The following SMYD3 variants were observed in gnomAD, a reference collection of about 807,000 sequenced individuals.
The protein encoded by SMYD3 is SET and MYND domain containing 3.
In SMYD3, 36 loss-of-function variants were observed where a neutral mutation model predicts 57.7. The ratio of observed to expected loss-of-function variants is 0.62; its 90% CI spans 0.48 to 0.82. The LOEUF is 0.82. Ranked by LOEUF, SMYD3 falls within the 40% of genes least tolerant of loss-of-function variation. The pLI, the probability that SMYD3 is intolerant of heterozygous loss-of-function variation, is 0.00. For missense variants in SMYD3, 515 were observed against 538.8 expected (o/e 0.96, Z 0.44); for synonymous variants, 211 against 195.0 (o/e 1.08, Z -0.68).
intron 2 of SMYD3, among the ~76,000 whole-genome samples, chr1:246,340,055 C>T (rs2065607427): frequency 6.6e-6 from 1 of 152,054 alleles, no homozygotes; most frequent in African/African-American, 2.4e-5. Context: ...AGTTGAAAAA[C>T]CACTGAGTTA....
At chr1:246,082,440 C>T (rs979715726) in intron 5 of SMYD3, among the ~76,000 whole-genome samples, 2 of 152,104 alleles carry the variant, frequency 1.3e-5, no homozygotes, top group South Asian at 2.1e-4. Context: ...GGTCCCATGG[C>T]CCCCGCCCAG....
At chr1:246,154,156 T>G (rs1468877918) in intron 5 of SMYD3, among the ~76,000 whole-genome samples, 2 of 152,228 alleles carry the variant, frequency 1.3e-5, no homozygotes, top group Non-Finnish European at 2.9e-5. Flanking sequence ...GCACGCAGCC[T>G]ACATTCACTG....
Position 246,255,999 on chromosome 1 carries a change from T to C in SMYD3, c.531+71202A>G, listed in dbSNP as rs548948190. ...ATAGATAGATAGATACACACACACA[T>C]ACATACATACATAGATACATAGATA... On this transcript the variant is annotated intron_variant, in intron 5 of 11. Coordinates refer to ENST00000490107, the MANE Select transcript of SMYD3 (RefSeq NM_001167740.2). Among the ~76,000 whole-genome samples, 195 of 150,388 alleles carry C rather than the reference T, an allele frequency of 1.3e-3. 1 individual carries two copies. Among genetic ancestry groups the C allele is most frequent in the South Asian group, 8.7e-3 (41 of 4,724 alleles).
At chr1:246,128,337 A>G (rs1467481423) in intron 5 of SMYD3, among the ~76,000 whole-genome samples, 1 of 152,182 alleles carries the variant, frequency 6.6e-6, no homozygotes, top group East Asian at 1.9e-4. Flanking sequence ...TCCTACCTCT[A>G]GAATATATTT....
chr1:245,958,847 G>C (rs1307085352), intron 5 of SMYD3, among the ~76,000 whole-genome samples: 1 of 152,164 alleles, frequency 6.6e-6, no homozygotes, highest in Non-Finnish European at 1.5e-5. Context: ...GCTATCTCAT[G>C]AACCAGTATT....
chr1:245,927,085 C>T (rs2056424299), intron 7 of SMYD3, among the ~76,000 whole-genome samples: 2 of 152,190 alleles, frequency 1.3e-5, no homozygotes, highest in Non-Finnish European at 2.9e-5. Context: ...TGCATAAATG[C>T]AATAAAAGCT....
intron 5 of SMYD3, among the ~76,000 whole-genome samples, chr1:246,232,167 T>G (rs368553415): frequency 7.1e-6 from 1 of 140,740 alleles, no homozygotes; most frequent in East Asian, 2.6e-4. Flanking sequence ...TTTTGTGACA[T>G]GAAGCTTACT....
chr1:246,217,582 G>A (rs185397673), intron 5 of SMYD3, among the ~76,000 whole-genome samples: 1 of 152,162 alleles, frequency 6.6e-6, no homozygotes. Context: ...CTCAGCAGAA[G>A]TATTATATTG....
intron 5 of SMYD3, among the ~76,000 whole-genome samples, chr1:246,246,680 T>C (rs1020893531): frequency 6.6e-6 from 1 of 152,110 alleles, no homozygotes; most frequent in Non-Finnish European, 1.5e-5. Flanking sequence ...TATGACTTTA[T>C]TTAATTTCTA....
chr1:246,255,556 T>C (rs529201862), intron 5 of SMYD3, among the ~76,000 whole-genome samples: 3 of 152,184 alleles, frequency 2.0e-5, no homozygotes, highest in Non-Finnish European at 4.4e-5. Context: ...AAGTTTTTGA[T>C]GTGCTGTTTT....
At chr1:246,044,481 G>C (rs1003561582) in intron 5 of SMYD3, among the ~76,000 whole-genome samples, 1 of 152,120 alleles carries the variant, frequency 6.6e-6, no homozygotes, top group African/African-American at 2.4e-5. Context: ...GGTTGTTTGG[G>C]CAAGAAATTT....
chr1:245,917,864 C>A (rs1254825308), intron 7 of SMYD3, among the ~76,000 whole-genome samples: 1 of 152,154 alleles, frequency 6.6e-6, no homozygotes, highest in Non-Finnish European at 1.5e-5. Context: ...AAAAAACTCC[C>A]TAGAGCAGAA....
chr1:246,009,957 G>A (rs1335474019), intron 5 of SMYD3, among the ~76,000 whole-genome samples: 1 of 140,554 alleles, frequency 7.1e-6, no homozygotes, highest in African/African-American at 2.7e-5. Flanking sequence ...TAGGATCACA[G>A]GTGAGTGCTA....
intron 8 of SMYD3, among the ~76,000 whole-genome samples, chr1:245,903,880 G>A (rs1180948335): frequency 6.6e-6 from 1 of 152,160 alleles, no homozygotes; most frequent in African/African-American, 2.4e-5. Context: ...TTACCTCCTA[G>A]GCCTCTGGGC....
chr1:245,888,992 G>T (rs555828417), intron 8 of SMYD3, among the ~76,000 whole-genome samples: 4 of 152,302 alleles, frequency 2.6e-5, no homozygotes, highest in African/African-American at 9.6e-5. Flanking sequence ...TTCCAAGGAT[G>T]CAATGTCACT....
chr1:246,383,198 T>A lies in SMYD3; in HGVS notation c.165-28104A>T, dbSNP rs183742337. ...AAGAAGGCAAATTACCTTACAGGCATGAAAGACACCAAAGGAATCATCAAC... is the reference window on the plus strand; with the variant it reads ...AAGAAGGCAAATTACCTTACAGGCAAGAAAGACACCAAAGGAATCATCAAC... On this transcript the variant is annotated intron_variant, in intron 1 of 11. Transcript: ENST00000490107. Among the ~76,000 whole-genome samples the A allele has an allele frequency of 7.2e-5, 11 of 152,338 alleles. No individual in the cohort carries two copies. The East Asian group carries it at 1.9e-3, about 27-fold the overall frequency.
Position 245,793,224 on chromosome 1 carries a change from GCT to G in SMYD3, c.1077-29077_1077-29076del, listed in dbSNP as rs1558344660. On this transcript the variant is annotated intron_variant, in intron 10 of 11. Coordinates refer to ENST00000490107, the MANE Select transcript of SMYD3 (RefSeq NM_001167740.2). The stretch of plus-strand genomic sequence containing the variant: ...CTCGGGAGGCTGAGGCAGGAGAATC[GCT>G]TGAACCCAGGAGACGGAGCTTGAAG... 1.1e-4 allele frequency among the ~76,000 whole-genome samples: 17 copies of G among 151,704 alleles called. No individual in the cohort carries two copies. The East Asian group carries it at 3.1e-3, about 28-fold the overall frequency.
At chr1:246,161,118 G>A (rs948665517) in intron 5 of SMYD3, among the ~76,000 whole-genome samples, 6 of 152,066 alleles carry the variant, frequency 3.9e-5, no homozygotes, top group Admixed American at 2.6e-4. Flanking sequence ...GCACCACCCC[G>A]CTCCACCCTG....
chr1:246,125,431 C>G (rs1225125440), intron 5 of SMYD3, among the ~76,000 whole-genome samples: 1 of 152,108 alleles, frequency 6.6e-6, no homozygotes, highest in African/African-American at 2.4e-5. Context: ...CTATGTATGA[C>G]AAGTTTCTAT....
Sources: allele counts gnomAD v4.1 joint callset (sites outside exome capture counted in the v4.1 genomes callset), GRCh38; gene constraint gnomAD v4.1.1; transcripts MANE v1.5; gene names NCBI Gene and HGNC (gene_info 2026-07-23, HGNC 2026-07-21).